Variants in ADGRB3 observed in about 807,000 individuals in gnomAD.
ADGRB3 encodes adhesion G protein-coupled receptor B3.
ADGRB3 carries 37 observed loss-of-function variants against 193.4 expected under a neutral mutation model. That is an observed-to-expected ratio of 0.19 (90% CI 0.15 to 0.25). The LOEUF (loss-of-function observed/expected upper bound fraction) is 0.25, where lower values mean the gene tolerates loss of function less well. Ranked by LOEUF, ADGRB3 falls within the 10% of genes least tolerant of loss-of-function variation. The pLI is 1.00. For synonymous variants in ADGRB3, 690 were observed against 644.2 expected (o/e 1.07, Z -1.08); for missense variants, 1,637 against 1,852.9 (o/e 0.88, Z 2.14).
chr6:69,017,080 A>T (rs978734382), intron 12 of ADGRB3, among the ~76,000 whole-genome samples: 7 of 151,906 alleles, frequency 4.6e-5, no homozygotes, highest in African/African-American at 7.2e-5. Flanking sequence ...TTATCTCCCA[A>T]ATCTTTCTAA....
intron 3 of ADGRB3, among the ~76,000 whole-genome samples, chr6:68,858,611 A>T (rs970789455): frequency 6.7e-6 from 1 of 149,444 alleles, no homozygotes; most frequent in Non-Finnish European, 1.5e-5. Context: ...AAAAAAAAAA[A>T]CACAGCATAA....
intron 3 of ADGRB3, among the ~76,000 whole-genome samples, chr6:68,763,276 G>A (rs972472923): frequency 1.3e-5 from 2 of 152,100 alleles, no homozygotes; most frequent in African/African-American, 4.8e-5. Context: ...TTTTTGTAGA[G>A]ATGAGGTTTC....
At chr6:69,123,193 C>T (rs1773766688) in intron 17 of ADGRB3, among the ~76,000 whole-genome samples, 1 of 151,992 alleles carries the variant, frequency 6.6e-6, no homozygotes, top group African/African-American at 2.4e-5. Flanking sequence ...AACTGAACTG[C>T]AAAATTACAA....
chr6:69,306,159 GGTGA>G (rs899857691), intron 20 of ADGRB3, among the ~76,000 whole-genome samples: 1 of 151,286 alleles, frequency 6.6e-6, no homozygotes, highest in African/African-American at 2.4e-5. Flanking sequence ...GTGGTGTTGG[GGTGA>G]GATGGGAGTT....
At chr6:68,696,601 TATA>T (rs1394081824) in intron 3 of ADGRB3, among the ~76,000 whole-genome samples, 1 of 151,866 alleles carries the variant, frequency 6.6e-6, no homozygotes, top group African/African-American at 2.4e-5. Context: ...ACATTTATAA[TATA>T]ATAAGAATAA....
At chr6:68,972,822 G>T (rs531292569) in intron 8 of ADGRB3, among the ~76,000 whole-genome samples, 1 of 152,192 alleles carries the variant, frequency 6.6e-6, no homozygotes, top group Non-Finnish European at 1.5e-5. Flanking sequence ...GCTCTGAGGG[G>T]TTGGTGGAGG....
chr6:69,212,520 TA>T (rs1765688940), intron 17 of ADGRB3, among the ~76,000 whole-genome samples: 1 of 108,280 alleles, frequency 9.2e-6, no homozygotes, highest in African/African-American at 5.1e-5. Context: ...AGTGTTATTT[TA>T]AAAGAAAAAA....
intron 3 of ADGRB3, among the ~76,000 whole-genome samples, chr6:68,782,791 A>G (rs960164916): frequency 6.6e-6 from 1 of 151,984 alleles, no homozygotes; most frequent in Non-Finnish European, 1.5e-5. Flanking sequence ...GTGTCTGTTC[A>G]TATCCTTCGC....
chr6:68,983,625 T>C (rs1768989242), intron 10 of ADGRB3, among the ~76,000 whole-genome samples: 1 of 151,938 alleles, frequency 6.6e-6, no homozygotes, highest in South Asian at 2.1e-4. Flanking sequence ...TAATTCATTA[T>C]ACAAATAATC....
chr6:68,656,569 A>G (rs548097730), intron 3 of ADGRB3, among the ~76,000 whole-genome samples: 2 of 151,734 alleles, frequency 1.3e-5, no homozygotes, highest in South Asian at 4.1e-4. Flanking sequence ...AGTTTAGTTC[A>G]TTGGCCTGTA....
At chr6:68,824,395 A>C in intron 3 of ADGRB3, among the ~76,000 whole-genome samples, 1 of 150,584 alleles carries the variant, frequency 6.6e-6, no homozygotes, top group Non-Finnish European at 1.5e-5. Context: ...CTAAGGTATA[A>C]TTTACATAAA....
intron 13 of ADGRB3, among the ~76,000 whole-genome samples, chr6:69,043,041 A>G (rs1771116688): frequency 6.6e-6 from 1 of 152,090 alleles, no homozygotes; most frequent in African/African-American, 2.4e-5. Flanking sequence ...TCCTTTTGAA[A>G]TGCTCTTTGC....
chr6:69,114,185 AG>A (rs547124365), intron 17 of ADGRB3, among the ~76,000 whole-genome samples: 198 of 152,306 alleles, frequency 1.3e-3, no homozygotes, highest in African/African-American at 4.7e-3. Flanking sequence ...CCCTTAGGTA[AG>A]TACTATTATC....
At chr6:69,252,796 C>CA (rs1766652721) in intron 20 of ADGRB3, among the ~76,000 whole-genome samples, 1 of 151,934 alleles carries the variant, frequency 6.6e-6, no homozygotes, top group South Asian at 2.1e-4. Context: ...TTGTGAAGTT[C>CA]AGTGTATCAT....
chr6:68,720,819 G>C (rs975626720), intron 3 of ADGRB3, among the ~76,000 whole-genome samples: 2 of 151,708 alleles, frequency 1.3e-5, no homozygotes, highest in African/African-American at 4.8e-5. Context: ...CACACAGGGT[G>C]GAAGGAAGTT....
intron 3 of ADGRB3, among the ~76,000 whole-genome samples, chr6:68,801,381 C>T (rs1767307542): frequency 6.6e-6 from 1 of 152,048 alleles, no homozygotes; most frequent in African/African-American, 2.4e-5. Context: ...TTTAGTTCCC[C>T]AACACTTCTT....
chr6:68,764,735 A>G (rs1416261490), intron 3 of ADGRB3, among the ~76,000 whole-genome samples: 2 of 152,150 alleles, frequency 1.3e-5, no homozygotes, highest in Non-Finnish European at 1.5e-5. Context: ...TTCTCAAATA[A>G]TTTAATTTTC....
chr6:69,338,792 T>C, intron 24 of ADGRB3, 124 bp from the exon 25 acceptor site: 5 of 785,538 alleles, frequency 6.4e-6, no homozygotes, highest in Non-Finnish European at 1.1e-5. Flanking sequence ...ACCTAGAGCA[T>C]ACATTTTTGA....
chr6:69,262,870 A>G (rs1766959039), intron 20 of ADGRB3, among the ~76,000 whole-genome samples: 1 of 151,946 alleles, frequency 6.6e-6, no homozygotes, highest in Non-Finnish European at 1.5e-5. Flanking sequence ...CTAGGTTTTC[A>G]GGGATCTACT....
Sources: allele counts gnomAD v4.1 joint callset (sites outside exome capture counted in the v4.1 genomes callset), GRCh38; gene constraint gnomAD v4.1.1; transcripts MANE v1.5; gene names NCBI Gene and HGNC (gene_info 2026-07-23, HGNC 2026-07-21).